The following ZNF385C variants were observed in gnomAD, a reference collection of about 807,000 sequenced individuals.
ZNF385C encodes the protein CTD-2132N18.2.
In ZNF385C, 28 loss-of-function variants were observed where a neutral mutation model predicts 35.4. The ratio of observed to expected loss-of-function variants is 0.79; its 90% CI spans 0.59 to 1.08. The LOEUF (loss-of-function observed/expected upper bound fraction) is 1.08, where lower values mean the gene tolerates loss of function less well. ZNF385C is among the 50% of genes least tolerant of loss of function. ZNF385C has a pLI of 0.00. For synonymous variants in ZNF385C, 248 were observed against 248.2 expected (o/e 1.00, Z 0.01); for missense variants, 605 against 595.6 (o/e 1.02, Z -0.16).
chr17:42,049,694 C>CT (rs2053243987), intron 2 of ZNF385C, among the ~76,000 whole-genome samples: 1 of 152,244 alleles, frequency 6.6e-6, no homozygotes. Flanking sequence ...TTGTCAGATC[C>CT]TTTCCATGTA....
At chr17:42,091,701 C>G (rs909029736) in intron 1 of ZNF385C, among the ~76,000 whole-genome samples, 1 of 152,218 alleles carries the variant, frequency 6.6e-6, no homozygotes, top group African/African-American at 2.4e-5. Context: ...CCAGTCTCAA[C>G]CTAGGGAGAG....
chr17:42,048,748 A>AC (rs1191055384), intron 2 of ZNF385C, among the ~76,000 whole-genome samples: 1 of 151,730 alleles, frequency 6.6e-6, no homozygotes, highest in African/African-American at 2.4e-5. Flanking sequence ...TTCTCTCCAC[A>AC]CCACTGCCTG....
At chr17:42,082,750 T>A (rs1164473943) in intron 1 of ZNF385C, among the ~76,000 whole-genome samples, 1 of 151,920 alleles carries the variant, frequency 6.6e-6, no homozygotes, top group Non-Finnish European at 1.5e-5. Flanking sequence ...CTGGGCAACA[T>A]AATGAGACCC....
At chr17:42,039,537 C>A (rs1373560104) in intron 2 of ZNF385C, 7 of 404,826 alleles carry the variant, frequency 1.7e-5, no homozygotes, top group Admixed American at 1.3e-4. Flanking sequence ...CCACAGCCCA[C>A]AGGGTGGGGG....
At chr17:42,070,141 G>A (rs868945585) in intron 1 of ZNF385C, among the ~76,000 whole-genome samples, 41 of 151,956 alleles carry the variant, frequency 2.7e-4, no homozygotes, top group Non-Finnish European at 5.1e-4. Context: ...TCAGGAGATC[G>A]AGACCATCCT....
chr17:42,057,549 T>C (rs1218282321), intron 2 of ZNF385C, among the ~76,000 whole-genome samples: 3 of 151,076 alleles, frequency 2.0e-5, no homozygotes, highest in African/African-American at 7.3e-5. Flanking sequence ...TGATGGTCCA[T>C]AGGGTCATGG....
At position 42,026,910 on chromosome 17, in the gene ZNF385C, A is replaced by T; in HGVS notation, c.1499T>A (p.Leu500His). The stretch of plus-strand genomic sequence containing the variant: ...TCCCCATGAGGGCTAATAAGGGGCA[A>T]GGACGATAGGTCCTGTGGCAGGGCG... ...AVRPATGPIV[L>H]APY is the part of the protein sequence containing the mutation. The change falls in exon 9 of 9, where the codon CTT becomes CAT. Residue 500 changes from leucine (L) to histidine (H), a missense_variant. Physicochemically the swap from Leu to His is moderately conservative, Grantham distance 99. Coordinates refer to ENST00000692273, the MANE Select transcript of ZNF385C (RefSeq NM_001392013.1). 6.3e-7 allele frequency: 1 copy of T among 1,595,940 alleles called. No homozygotes were observed. The highest frequency in any genetic ancestry group is 8.5e-7 in the Non-Finnish European group (1 of 1,171,076).
At chr17:42,037,114 C>T (rs2052872931) in intron 3 of ZNF385C, among the ~76,000 whole-genome samples, 1 of 152,056 alleles carries the variant, frequency 6.6e-6, no homozygotes, top group South Asian at 2.1e-4. Context: ...CACTCATGCA[C>T]ACAAAGGGCA....
rs2053617770 is a variant in ZNF385C at position 42,071,076 on chromosome 17, G to GGAGTT, written c.-2-8019_-2-8018insAACTC. 3.3e-5 allele frequency among the ~76,000 whole-genome samples: 5 copies of GGAGTT among 151,874 alleles called. No individual in the cohort carries two copies. In the South Asian group the frequency reaches 8.3e-4, roughly 25 times the overall value. On this transcript the variant is annotated intron_variant, in intron 1 of 8. Transcript: ENST00000692273. ...CTGAGATCCCCTCAGAGGATCCAGA[G>GGAGTT]GAGTCACCTGCGCCAGACCCCAGCA...
At chr17:42,040,759 C>T in intron 2 of ZNF385C, 1 of 1,232,356 alleles carries the variant, frequency 8.1e-7, no homozygotes, top group Non-Finnish European at 1.0e-6. Flanking sequence ...ACTAGGGCCA[C>T]CATGGAGGCG....
intron 1 of ZNF385C, among the ~76,000 whole-genome samples, chr17:42,072,285 G>A (rs2053636346): frequency 6.6e-6 from 1 of 152,078 alleles, no homozygotes. Flanking sequence ...AGTAGAGGGG[G>A]AGTCTCACCC....
chr17:42,028,213 C>G lies in ZNF385C; in HGVS notation c.1001G>C (p.Arg334Pro). ...AKHRWMMEGQ[R>P]GAPRRSRGRP... ...GCCCCGGCTCCTCCGGGGAGCCCCT[C>G]GCTGACCTTCCATCATCCACCGGTG... is the stretch of plus-strand genomic sequence containing the variant. The change falls in exon 7 of 9, where the codon CGA becomes CCA. Residue 334 changes from arginine (R) to proline (P), a missense_variant. Arg to Pro is a moderately radical substitution (Grantham distance 103). Coordinates refer to ENST00000692273, the MANE Select transcript of ZNF385C (RefSeq NM_001392013.1). The G allele has an allele frequency of 6.4e-7, 1 of 1,553,024 alleles. No individual in the cohort carries two copies. The highest frequency in any genetic ancestry group is 1.2e-5 in the South Asian group (1 of 82,506).
intron 2 of ZNF385C, chr17:42,043,279 CA>C: frequency 2.4e-6 from 3 of 1,232,278 alleles, no homozygotes; most frequent in Non-Finnish European, 3.0e-6. Flanking sequence ...AAAGTCCAGC[CA>C]GGTAAACTCC....
At chr17:42,066,013 G>A (rs1237988008) in intron 1 of ZNF385C, among the ~76,000 whole-genome samples, 1 of 151,938 alleles carries the variant, frequency 6.6e-6, no homozygotes, top group Non-Finnish European at 1.5e-5. Flanking sequence ...TATGTAATAT[G>A]CTTCTCGGTG....
chr17:42,037,879 G>C lies in ZNF385C; in HGVS notation c.257C>G (p.Pro86Arg). Residue 86 changes from proline to arginine, a missense_variant, in exon 3 of 9, where the codon CCG (proline) becomes CGG (arginine). Coordinates refer to ENST00000692273, the MANE Select transcript of ZNF385C (RefSeq NM_001392013.1). ...LGKSPSGPAG[P>R]ASGAPSPLLA... ...CAGGGGGCTGGGGGCGCCGGAGGCC[G>C]GGCCTGCTGCAGGAGGAAGAAGGGC... is the stretch of plus-strand genomic sequence containing the variant. The C allele has an allele frequency of 6.6e-7, 1 of 1,526,656 alleles. No homozygotes were observed. The highest frequency in any genetic ancestry group is 8.8e-7 in the Non-Finnish European group (1 of 1,133,766). The allele number at this position is 1,526,656 out of a possible 1,614,324, so 94.6% of individuals were successfully genotyped here.
chr17:42,066,249 A>G (rs1487670391), intron 1 of ZNF385C, among the ~76,000 whole-genome samples: 2 of 151,940 alleles, frequency 1.3e-5, no homozygotes, highest in Non-Finnish European at 2.9e-5. Context: ...TAGTGGAGAC[A>G]GGGTTTCACA....
At chr17:42,078,404 A>T (rs1256035817) in intron 1 of ZNF385C, among the ~76,000 whole-genome samples, 1 of 151,454 alleles carries the variant, frequency 6.6e-6, no homozygotes, top group Non-Finnish European at 1.5e-5. Flanking sequence ...CCTTCTTTCC[A>T]TTAAGAAAAA....
intron 1 of ZNF385C, among the ~76,000 whole-genome samples, chr17:42,096,975 TAAA>T (rs58377119): frequency 1.7e-4 from 15 of 89,200 alleles, no homozygotes; most frequent in Admixed American, 2.7e-4. Context: ...CAAGCTTAGC[TAAA>T]AAAAAAAAAA....
At chr17:42,072,881 C>T (rs2053645023) in intron 1 of ZNF385C, among the ~76,000 whole-genome samples, 1 of 152,166 alleles carries the variant, frequency 6.6e-6, no homozygotes. Context: ...GCCCAGCGTA[C>T]CTGAGGGCTC....
Sources: gnomAD v4.1 joint callset for allele counts (sites outside exome capture counted in the v4.1 genomes callset) on GRCh38, gnomAD v4.1.1 for gene constraint, MANE v1.5 for transcripts, NCBI Gene and HGNC (gene_info 2026-07-23, HGNC 2026-07-21) for gene names.